ANXA8: variants seen among roughly 807,000 people sequenced by gnomAD.
The protein encoded by ANXA8 is VAC-beta.
A neutral mutation model predicts 26.8 loss-of-function variants in ANXA8; 9 were observed. The ratio of observed to expected loss-of-function variants is 0.34; its 90% confidence interval spans 0.20 to 0.59. The LOEUF (loss-of-function observed/expected upper bound fraction) is 0.59. Ranked by LOEUF, ANXA8 falls within the 20% of genes least tolerant of loss-of-function variation. The pLI is 0.84. For synonymous variants in ANXA8, 39 were observed against 94.8 expected, an observed-to-expected ratio of 0.41 and a Z score of 3.42; for missense variants, 83 against 238.5, an observed-to-expected ratio of 0.35 and a Z score of 4.29.
chr10:47,946,730 T>C, the ANXA8 span, among the ~76,000 whole-genome samples: 9 of 151,428 alleles, frequency 5.9e-5, no homozygotes, highest in Admixed American at 5.9e-4. Context: ...TCTCCCTTTT[T>C]CACCTAGGCT....
At chr10:47,519,403 G>C in the ANXA8 span, among the ~76,000 whole-genome samples, 2 of 121,794 alleles carry the variant, frequency 1.6e-5, no homozygotes, top group South Asian at 5.6e-4. Context: ...GGGAGATGGA[G>C]GTTGTAGTGA....
At chr10:47,890,911 C>T in the ANXA8 span, among the ~76,000 whole-genome samples, 1 of 151,076 alleles carries the variant, frequency 6.6e-6, no homozygotes. Flanking sequence ...CCTTTGGTAT[C>T]CTGAGCAAGC....
chr10:47,675,981 CA>C, the ANXA8 span, among the ~76,000 whole-genome samples: 1 of 138,076 alleles, frequency 7.2e-6, no homozygotes, highest in Non-Finnish European at 1.6e-5. Flanking sequence ...CCAGGGAAAA[CA>C]AAAAAAGGAA....
chr10:47,697,293 C>T, the ANXA8 span, among the ~76,000 whole-genome samples: 1 of 152,054 alleles, frequency 6.6e-6, no homozygotes, highest in Non-Finnish European at 1.5e-5. Context: ...ACATATATAC[C>T]TTATAGGGTT....
At chr10:47,945,374 C>G in the ANXA8 span, among the ~76,000 whole-genome samples, 4 of 150,700 alleles carry the variant, frequency 2.7e-5, no homozygotes, top group Admixed American at 2.6e-4. Flanking sequence ...ACGGGAAAAC[C>G]CCTCTCCTCT....
chr10:47,627,972 G>A, the ANXA8 span, among the ~76,000 whole-genome samples: 1 of 149,938 alleles, frequency 6.7e-6, no homozygotes, highest in Non-Finnish European at 1.5e-5. Flanking sequence ...TATGACTAGA[G>A]AGTGTTGTAC....
At chr10:47,981,261 A>C in the ANXA8 span, among the ~76,000 whole-genome samples, 3 of 149,944 alleles carry the variant, frequency 2.0e-5, no homozygotes, top group Admixed American at 2.0e-4. Context: ...TTTCATGATA[A>C]AACACTCATA....
chr10:47,572,841 C>T, the ANXA8 span, among the ~76,000 whole-genome samples: 1 of 151,412 alleles, frequency 6.6e-6, no homozygotes, highest in Non-Finnish European at 1.5e-5. Context: ...ATAATTGATA[C>T]CTTGTGATTT....
At chr10:47,901,703 A>G in the ANXA8 span, among the ~76,000 whole-genome samples, 15 of 122,778 alleles carry the variant, frequency 1.2e-4, no homozygotes, top group Admixed American at 7.9e-4. Context: ...TTCTTAAATA[A>G]CTAGTCGTTT....
chr10:47,665,953 T>C, the ANXA8 span, among the ~76,000 whole-genome samples: 82 of 152,078 alleles, frequency 5.4e-4, no homozygotes, highest in African/African-American at 1.7e-3. Flanking sequence ...ACTGAGTTAA[T>C]GTATAGCTGG....
At chr10:47,951,169 C>G in the ANXA8 span, among the ~76,000 whole-genome samples, 1 of 149,154 alleles carries the variant, frequency 6.7e-6, no homozygotes, top group Admixed American at 6.7e-5. Context: ...AGAAGCTTTA[C>G]GGCAACAAAT....
chr10:47,743,303 T>TATATACACACAC, the ANXA8 span, among the ~76,000 whole-genome samples: 2 of 53,946 alleles, frequency 3.7e-5, no homozygotes, highest in African/African-American at 1.1e-4. Context: ...TACACATATA[T>TATATACACACAC]ATATATATAC....
chr10:47,552,816 G>A, the ANXA8 span, among the ~76,000 whole-genome samples: 2 of 151,844 alleles, frequency 1.3e-5, no homozygotes, highest in Non-Finnish European at 2.9e-5. Context: ...GTTTGTGTCT[G>A]TCTATGATGT....
chr10:47,733,229 TTCTC>T, the ANXA8 span, among the ~76,000 whole-genome samples: 240 of 67,834 alleles, frequency 3.5e-3, 6 homozygotes, highest in Admixed American at 0.011. Context: ...TTCTCTTTCT[TTCTC>T]TCTTTCTTTC....
the ANXA8 span, among the ~76,000 whole-genome samples, chr10:47,960,560 A>G: frequency 6.7e-6 from 1 of 149,948 alleles, no homozygotes; most frequent in Non-Finnish European, 1.5e-5. Context: ...GGGCAAGAGT[A>G]GCTTTTTTTG....
chr10:47,988,543 C>T, the ANXA8 span, among the ~76,000 whole-genome samples: 7 of 124,488 alleles, frequency 5.6e-5, no homozygotes, highest in East Asian at 8.2e-4. Context: ...GTGGGAAGCT[C>T]TTATAGAGCA....
At chr10:47,654,310 G>A in the ANXA8 span, among the ~76,000 whole-genome samples, 1 of 143,586 alleles carries the variant, frequency 7.0e-6, no homozygotes, top group East Asian at 2.1e-4. Context: ...AGTTTGAGGA[G>A]GATGAAAGGT....
the ANXA8 span, among the ~76,000 whole-genome samples, chr10:47,591,523 A>G: frequency 6.1e-5 from 8 of 131,024 alleles, no homozygotes; most frequent in Non-Finnish European, 1.2e-4. Context: ...AGCTCACTGC[A>G]AGCTCCACCT....
the ANXA8 span, chr10:47,503,419 G>A: frequency 6.2e-7 from 1 of 1,610,114 alleles, no homozygotes; most frequent in South Asian, 1.1e-5. Flanking sequence ...GGGTGTGTTG[G>A]CAGTGGGAGG....
Sources: allele counts gnomAD v4.1 joint callset (sites outside exome capture counted in the v4.1 genomes callset), GRCh38; gene constraint gnomAD v4.1.1; transcripts MANE v1.5; gene names NCBI Gene and HGNC (gene_info 2026-07-23, HGNC 2026-07-21).